DAB1: variants seen among roughly 807,000 people sequenced by gnomAD.
DAB1 encodes disabled homolog 1.
DAB1 carries 15 observed loss-of-function variants against 64.6 expected under a neutral mutation model. That is an observed-to-expected ratio of 0.23 (90% CI 0.16 to 0.36). DAB1 has a LOEUF of 0.36. Ranked by LOEUF, DAB1 falls within the 10% of genes least tolerant of loss-of-function variation. The pLI, the probability that DAB1 is intolerant of heterozygous loss-of-function variation, is 1.00. For synonymous variants in DAB1, 235 were observed against 251.9 expected (o/e 0.93, Z 0.64); for missense variants, 596 against 706.7 (o/e 0.84, Z 1.78).
chr1:57,185,465 A>C (rs1663445689), intron 2 of DAB1, among the ~76,000 whole-genome samples: 1 of 152,164 alleles, frequency 6.6e-6, no homozygotes, highest in Non-Finnish European at 1.5e-5. Flanking sequence ...ACAATGCAAG[A>C]TGTTCAAGAG....
intron 7 of DAB1, among the ~76,000 whole-genome samples, chr1:57,433,117 T>C (rs1378397671): frequency 1.3e-5 from 2 of 152,150 alleles, no homozygotes; most frequent in Admixed American, 1.3e-4. Context: ...AAAAACATTA[T>C]TGATTAGATG....
chr1:58,453,930 C>T (rs1414031133), intron 3 of DAB1, among the ~76,000 whole-genome samples: 1 of 152,040 alleles, frequency 6.6e-6, no homozygotes, highest in African/African-American at 2.4e-5. Context: ...CTGCTCCAAG[C>T]CCTGGCTCTC....
intron 2 of DAB1, among the ~76,000 whole-genome samples, chr1:57,165,473 C>G (rs1282165590): frequency 6.6e-6 from 1 of 152,152 alleles, no homozygotes; most frequent in East Asian, 1.9e-4. Flanking sequence ...TGTTAAATCC[C>G]ATTTAGTTTA....
intron 2 of DAB1, among the ~76,000 whole-genome samples, chr1:57,212,433 T>C (rs1666092207): frequency 7.1e-6 from 1 of 139,996 alleles, no homozygotes; most frequent in South Asian, 2.5e-4. Context: ...AGTGGCGCGA[T>C]CTCAGCTCAC....
intron 3 of DAB1, among the ~76,000 whole-genome samples, chr1:58,360,055 A>C (rs1644150728): frequency 6.6e-6 from 1 of 152,180 alleles, no homozygotes. Context: ...CAGACATGGT[A>C]CTAAATGTTC....
intron 6 of DAB1, among the ~76,000 whole-genome samples, chr1:57,688,524 G>A (rs903162125): frequency 3.3e-5 from 5 of 152,082 alleles, no homozygotes; most frequent in Non-Finnish European, 5.9e-5. Context: ...TCAAAGAACT[G>A]AAAACAGAAC....
intron 4 of DAB1, among the ~76,000 whole-genome samples, chr1:57,078,188 C>T (rs1037206862): frequency 6.6e-6 from 1 of 152,170 alleles, no homozygotes; most frequent in Non-Finnish European, 1.5e-5. Flanking sequence ...GAAGTGCTCC[C>T]TGGGTTGGCA....
intron 3 of DAB1, among the ~76,000 whole-genome samples, chr1:58,418,703 G>C (rs1644744617): frequency 6.6e-6 from 1 of 152,082 alleles, no homozygotes; most frequent in African/African-American, 2.4e-5. Context: ...AGGTTCTTTG[G>C]GGAGGAGTTT....
chr1:57,641,220 CA>C (rs1329801424), intron 7 of DAB1, among the ~76,000 whole-genome samples: 8 of 152,184 alleles, frequency 5.3e-5, no homozygotes, highest in African/African-American at 1.9e-4. Flanking sequence ...AGCCAACCAG[CA>C]GAGCTTTCTT....
At chr1:58,113,383 G>A (rs2797608) in intron 5 of DAB1, among the ~76,000 whole-genome samples, 45,661 of 151,944 alleles carry the variant, frequency 0.3, 8,045 homozygotes, top group African/African-American at 0.49. Flanking sequence ...TGTCCTTCCC[G>A]AATTCCTCCA....
intron 4 of DAB1, among the ~76,000 whole-genome samples, chr1:58,323,054 C>A (rs559186344): frequency 6.7e-6 from 1 of 148,402 alleles, no homozygotes; most frequent in South Asian, 2.2e-4. Flanking sequence ...AACACTTGGG[C>A]ACAGGGCGGG....
intron 5 of DAB1, among the ~76,000 whole-genome samples, chr1:57,932,069 A>C (rs908746205): frequency 4.6e-5 from 7 of 152,142 alleles, no homozygotes; most frequent in African/African-American, 1.7e-4. Context: ...AGTTAAAAAT[A>C]TTTTTAAATT....
intron 4 of DAB1, among the ~76,000 whole-genome samples, chr1:58,158,986 A>G (rs1184992963): frequency 3.3e-5 from 5 of 152,192 alleles, no homozygotes; most frequent in Non-Finnish European, 1.5e-5. Flanking sequence ...TTTGTGAATA[A>G]CCACACAATA....
chr1:58,532,591 G>C (rs1376194541), intron 1 of DAB1, among the ~76,000 whole-genome samples: 2 of 152,094 alleles, frequency 1.3e-5, no homozygotes, highest in Non-Finnish European at 1.5e-5. Flanking sequence ...GCAGTGGTGC[G>C]ATCATGGCTC....
At chr1:57,026,576 C>T (rs1570534100) in intron 9 of DAB1, among the ~76,000 whole-genome samples, 1 of 152,124 alleles carries the variant, frequency 6.6e-6, no homozygotes, top group Non-Finnish European at 1.5e-5. Flanking sequence ...TCAAGGTCAT[C>T]CAGGCCACGA....
chr1:58,440,715 G>A, intron 3 of DAB1, among the ~76,000 whole-genome samples: 1 of 152,112 alleles, frequency 6.6e-6, no homozygotes, highest in Middle Eastern at 3.2e-3. Flanking sequence ...TGCATTTTAG[G>A]CCATTTAGCC....
intron 2 of DAB1, among the ~76,000 whole-genome samples, chr1:57,179,662 C>A (rs1380619526): frequency 2.0e-5 from 3 of 152,064 alleles, no homozygotes; most frequent in African/African-American, 7.2e-5. Context: ...CAAAATAAAT[C>A]ACCTAGAATG....
intron 1 of DAB1, among the ~76,000 whole-genome samples, chr1:58,535,443 A>T (rs6587828): frequency 6.6e-6 from 1 of 151,708 alleles, no homozygotes; most frequent in Non-Finnish European, 1.5e-5. Context: ...TAAAAATACA[A>T]AAATTGGCCA....
intron 6 of DAB1, among the ~76,000 whole-genome samples, chr1:57,674,013 C>T (rs573980046): frequency 1.3e-5 from 2 of 152,156 alleles, no homozygotes; most frequent in African/African-American, 2.4e-5. Flanking sequence ...AGACATTTAC[C>T]ATTAGGAACT....
Sources: gnomAD v4.1 joint callset for allele counts (sites outside exome capture counted in the v4.1 genomes callset) on GRCh38, gnomAD v4.1.1 for gene constraint, MANE v1.5 for transcripts, NCBI Gene and HGNC (gene_info 2026-07-23, HGNC 2026-07-21) for gene names.